The following RAB11FIP3 variants were observed in gnomAD, a reference collection of about 807,000 sequenced individuals.
The protein encoded by RAB11FIP3 is RAB11 family interacting protein 3.
A neutral mutation model predicts 77.8 loss-of-function variants in RAB11FIP3; 17 were observed. The observed-to-expected ratio is 0.22, with a 90% CI of 0.15 to 0.33. The LOEUF (loss-of-function observed/expected upper bound fraction) is 0.33. RAB11FIP3 is among the 10% of genes least tolerant of loss of function. The probability of loss-of-function intolerance (pLI) is 1.00; values close to 1 mark genes in which losing one functional copy is unlikely to be tolerated. For synonymous variants in RAB11FIP3, 437 were observed against 448.2 expected (o/e 0.98, Z 0.31); for missense variants, 1,005 against 1,011.2 (o/e 0.99, Z 0.08).
chr16:519,145 G>A (rs1040283097), intron 10 of RAB11FIP3, 121 bp downstream of exon 10: 11 of 1,090,566 alleles, frequency 1.0e-5, no homozygotes, highest in South Asian at 2.7e-5. Context: ...GTGAGGGAAC[G>A]GGGCCAGCTC....
chr16:465,720 C>T (rs1158772590), intron 2 of RAB11FIP3, among the ~76,000 whole-genome samples: 1 of 152,122 alleles, frequency 6.6e-6, no homozygotes, highest in Non-Finnish European at 1.5e-5. Flanking sequence ...AGCGATTCTC[C>T]TGCCTCAGCC....
intron 1 of RAB11FIP3, among the ~76,000 whole-genome samples, chr16:455,591 T>TTTG (rs766474975): frequency 6.6e-6 from 1 of 151,954 alleles, no homozygotes; most frequent in Non-Finnish European, 1.5e-5. Context: ...TGTCACTGTT[T>TTTG]TTGTTGTTGT....
chr16:447,917 C>T (rs977086470), intron 1 of RAB11FIP3, among the ~76,000 whole-genome samples: 1 of 151,570 alleles, frequency 6.6e-6, no homozygotes, highest in Non-Finnish European at 1.5e-5. Flanking sequence ...AACAACAGGA[C>T]GGGCCAGGCA....
At chr16:497,870 T>A (rs995195277) in intron 6 of RAB11FIP3, among the ~76,000 whole-genome samples, 1 of 148,298 alleles carries the variant, frequency 6.7e-6, no homozygotes, top group African/African-American at 2.5e-5. Flanking sequence ...GTTGTTACCA[T>A]GAAGTTTAAC....
rs2031801995 is a variant in RAB11FIP3, at chr16:505,121, G to T, written c.1396-403G>T. Among the ~76,000 whole-genome samples, 2 of 151,196 alleles carry T rather than the reference G, an allele frequency of 1.3e-5. No individual in the cohort carries two copies. Among genetic ancestry groups the T allele is most frequent in the Admixed American group, 1.3e-4 (2 of 15,134 alleles). ...TCATCTTGGTGTGAACTCTCTGAGG[G>T]AGGGACCGAGACATGGATCTGTCTG... On this transcript the variant is annotated intron_variant, in intron 7 of 13. Coordinates refer to ENST00000262305, the MANE Select transcript of RAB11FIP3 (RefSeq NM_014700.4). This position sits in a 1 kb window ranked among gnomAD's most constrained non-coding sequence, Gnocchi z 4.0.
intron 5 of RAB11FIP3, among the ~76,000 whole-genome samples, chr16:490,859 T>A (rs1479446547): frequency 6.6e-6 from 1 of 152,172 alleles, no homozygotes; most frequent in Non-Finnish European, 1.5e-5. Context: ...AGGCTGCCCC[T>A]GCTTTCTTCT....
At chr16:435,646 A>G (rs971750609) in intron 1 of RAB11FIP3, among the ~76,000 whole-genome samples, 1 of 152,304 alleles carries the variant, frequency 6.6e-6, no homozygotes, top group Middle Eastern at 3.4e-3. Flanking sequence ...TATTTGAGGT[A>G]TTGGCTATAT....
At chr16:428,872 A>T (rs1013004453) in intron 1 of RAB11FIP3, among the ~76,000 whole-genome samples, 1 of 152,162 alleles carries the variant, frequency 6.6e-6, no homozygotes, top group Admixed American at 6.6e-5. Context: ...TAGAAATGAG[A>T]CAAAATTCTT....
At chr16:482,240 A>T (rs1039684371) in intron 3 of RAB11FIP3, 80 of 570,034 alleles carry the variant, frequency 1.4e-4, no homozygotes, top group Middle Eastern at 4.4e-4. Context: ...TATTTTTGGT[A>T]GAGACAAATT....
In RAB11FIP3 at chr16:471,672, G is replaced by A. The variant is rs1454715105; in HGVS notation, c.903+283G>A. The stretch of plus-strand genomic sequence containing the variant: ...GTCATGACCACCCGCTGCCAGGCTG[G>A]CAGGCACAGGCGGAGCAGAGGGCTT... On this transcript the variant is annotated intron_variant, in intron 3 of 13. Transcript: ENST00000262305. The surrounding 1 kb of genome is among the most constrained non-coding windows in gnomAD (Gnocchi z 4.4). 6.6e-6 allele frequency among the ~76,000 whole-genome samples: 1 copy of A among 152,184 alleles called. No individual in the cohort carries two copies. The highest frequency in any genetic ancestry group is 1.5e-5 in the Non-Finnish European group (1 of 68,034).
In RAB11FIP3 at chr16:471,047, C is replaced by A. The variant is rs567607194; in HGVS notation, c.809-248C>A. On this transcript the variant is annotated intron_variant, in intron 2 of 13. Coordinates refer to ENST00000262305, the MANE Select transcript of RAB11FIP3 (RefSeq NM_014700.4). The surrounding 1 kb of genome is among the most constrained non-coding windows in gnomAD (Gnocchi z 4.4). ...AAGTTTATCTCCTACCTCTGCATCT[C>A]CTCCTCAGAATTCTCTCCAGAAGCC... Among the ~76,000 whole-genome samples the A allele has an allele frequency of 2.0e-5, 3 of 151,840 alleles. No individual in the cohort carries two copies. The highest frequency in any genetic ancestry group is 2.0e-4 in the Admixed American group (3 of 15,262).
Position 426,664 on chromosome 16 carries a change from G to C in RAB11FIP3, c.658G>C (p.Gly220Arg). 6.4e-7 allele frequency: 1 copy of C among 1,559,280 alleles called. No homozygotes were observed. The highest frequency in any genetic ancestry group is 8.7e-7 in the Non-Finnish European group (1 of 1,154,236). The change falls in exon 1 of 14, where the codon GGT (glycine) becomes CGT (arginine). Residue 220 changes from glycine (G) to arginine (R), a missense_variant. Physicochemically the swap from Gly to Arg is moderately radical, Grantham distance 125. Coordinates refer to ENST00000262305, the MANE Select transcript of RAB11FIP3 (RefSeq NM_014700.4). The surrounding 1 kb of genome is among the most constrained non-coding windows in gnomAD (Gnocchi z 5.0). The stretch of plus-strand genomic sequence containing the variant: ...CGATGCCCTGGACGGGGATGGGGAC[G>C]GTTTCGTCCGCATCGAGGACTTCAT... ...VFDALDGDGDGFVRIEDFIQF... is the reference protein window; with the variant it reads ...VFDALDGDGDRFVRIEDFIQF...
intron 2 of RAB11FIP3, among the ~76,000 whole-genome samples, chr16:462,954 C>T (rs1487655477): frequency 1.3e-4 from 20 of 152,164 alleles, no homozygotes; most frequent in African/African-American, 4.6e-4. Flanking sequence ...TGCCGTATTT[C>T]GTTTCTTCAT....
chr16:495,049 A>AGAGGT (rs2030993484), intron 5 of RAB11FIP3, among the ~76,000 whole-genome samples: 74 of 149,902 alleles, frequency 4.9e-4, no homozygotes, highest in Admixed American at 6.7e-4. Context: ...TCGAGGCTGC[A>AGAGGT]GCGAGCTGTG....
intron 3 of RAB11FIP3, among the ~76,000 whole-genome samples, chr16:480,289 A>AAAAAAG (rs1441894034): frequency 8.2e-5 from 12 of 146,000 alleles, no homozygotes; most frequent in African/African-American, 3.3e-4. Context: ...CCTTCTCCAA[A>AAAAAAG]AAAAAAAAAA....
Position 426,559 on chromosome 16 carries a change from T to G in RAB11FIP3, c.553T>G (p.Ser185Ala), listed in dbSNP as rs1307180823. 4 of 1,586,866 alleles carry G rather than the reference T, an allele frequency of 2.5e-6. No homozygotes were observed. The African/African-American group carries it at 5.4e-5, about 22-fold the overall frequency. The change falls in exon 1 of 14, where the codon TCG becomes GCG. Residue 185 changes from serine (S) to alanine (A), a missense_variant. Ser to Ala is a moderately conservative substitution (Grantham distance 99). This residue lies in a region of RAB11FIP3 where 466 missense variants were observed against 408.3 expected (regional missense o/e 1.14). Transcript: ENST00000262305. The surrounding 1 kb of genome is among the most constrained non-coding windows in gnomAD (Gnocchi z 5.0). ...AGGTCCCGGGTCCCCGCCGCAGCCC[T>G]CGGACCTCAGCCAGACCCACCCCCT... is the stretch of plus-strand genomic sequence containing the variant. ...EQGPGSPPQP[S>A]DLSQTHPLPS...
chr16:502,727 G>A, intron 6 of RAB11FIP3: 1 of 519,896 alleles, frequency 1.9e-6, no homozygotes, highest in Non-Finnish European at 3.4e-6. Flanking sequence ...CTGGGACTGA[G>A]GTCATGTTCT....
intron 1 of RAB11FIP3, among the ~76,000 whole-genome samples, chr16:431,917 C>A (rs556811988): frequency 6.6e-6 from 1 of 151,962 alleles, no homozygotes; most frequent in African/African-American, 2.4e-5. Flanking sequence ...CCACCCCTCC[C>A]GGCTAATTTT....
Position 522,245 on chromosome 16 carries a change from A to AAAAT in RAB11FIP3, c.*1407_*1408insAATA, listed in dbSNP as rs577077146. On this transcript the variant is annotated 3_prime_UTR_variant, in exon 14 of 14. Coordinates refer to ENST00000262305, the MANE Select transcript of RAB11FIP3 (RefSeq NM_014700.4). ...AAGAGAAAACTGTGTATACACATGA[A>AAAAT]ATATATATATATATATATATATATA... 1 of 134,688 alleles carries AAAAT rather than the reference A, an allele frequency of 7.4e-6. No homozygotes were observed. The highest frequency in any genetic ancestry group is 2.7e-5 in the African/African-American group (1 of 36,452). The allele number at this position is 134,688 out of a possible 1,614,324, so 8.3% of individuals were successfully genotyped here.
Sources: gnomAD v4.1 joint callset for allele counts (sites outside exome capture counted in the v4.1 genomes callset) on GRCh38, gnomAD v4.1.1 for gene constraint, gnomAD v4.1.1 regional missense constraint, Gnocchi (gnomAD v3.1) non-coding constraint, MANE v1.5 for transcripts, NCBI Gene and HGNC (gene_info 2026-07-23, HGNC 2026-07-21) for gene names.